The following BRWD3 variants were observed in gnomAD, a reference collection of about 807,000 sequenced individuals.
BRWD3 encodes bromodomain and WD repeat-containing protein 3.
BRWD3 carries 10 observed loss-of-function variants against 149.7 expected under a neutral mutation model. The observed-to-expected ratio is 0.07, with a 90% CI of 0.04 to 0.11. The LOEUF is 0.11. Ranked by LOEUF, BRWD3 falls within the 10% of genes least tolerant of loss-of-function variation. BRWD3 has a pLI of 1.00. For missense variants in BRWD3, 940 were observed against 1,373.2 expected, an observed-to-expected ratio of 0.68 and a Z score of 4.99; for synonymous variants, 504 against 456.7, an observed-to-expected ratio of 1.10 and a Z score of -1.32.
chrX:80,801,751 A>T (rs1165356147), intron 4 of BRWD3, among the ~76,000 whole-genome samples: 2 of 110,766 alleles, frequency 1.8e-5, no homozygotes, highest in African/African-American at 3.3e-5. Context: ...CTAGGGCAGG[A>T]GAATGGCTTG....
intron 4 of BRWD3, among the ~76,000 whole-genome samples, chrX:80,805,892 G>A (rs748013186): frequency 1.8e-5 from 2 of 111,117 alleles, no homozygotes; most frequent in South Asian, 3.8e-4. Context: ...CCGAGATCCC[G>A]CCACTGCACT....
intron 35 of BRWD3, 73 bp from the exon 36 acceptor site, chrX:80,685,609 G>T: frequency 1.2e-6 from 1 of 817,718 alleles, no homozygotes. Flanking sequence ...ATACAATTAT[G>T]ACTTAAGTCT....
intron 10 of BRWD3, among the ~76,000 whole-genome samples, chrX:80,734,685 T>C (rs1336117501): frequency 9.2e-6 from 1 of 108,851 alleles, no homozygotes; most frequent in Non-Finnish European, 1.9e-5. Flanking sequence ...AATTTTAGGT[T>C]CTGTATATTT....
In BRWD3 at chrX:80,745,797, T is replaced by C. The variant is rs780612693; in HGVS notation, c.431-68A>G. The C allele has an allele frequency of 1.3e-5, 13 of 1,001,145 alleles. No homozygotes were observed. The East Asian group carries it at 4.0e-4, about 31-fold the overall frequency. 82.5% of individuals were successfully genotyped at this position (1,001,145 alleles called of 1,213,427 possible). On this transcript the variant is annotated intron_variant, in intron 6 of 40. Coordinates refer to ENST00000373275, the MANE Select transcript of BRWD3 (RefSeq NM_153252.5). ...TGATTTCATGAAATTAAGTCATAAA[T>C]ATTAAGATGAGACAAAACAGAGTAC... is the stretch of plus-strand genomic sequence containing the variant.
chrX:80,745,244 TAACA>T (rs2073575594), intron 7 of BRWD3, among the ~76,000 whole-genome samples: 1 of 111,549 alleles, frequency 9.0e-6, no homozygotes, highest in African/African-American at 3.2e-5. Flanking sequence ...AGTGACACAT[TAACA>T]AACATTTAAT....
chrX:80,700,450 A>ATATATATATATATAT (rs1482829141), intron 24 of BRWD3, among the ~76,000 whole-genome samples: 1 of 99,610 alleles, frequency 1.0e-5, no homozygotes, highest in Non-Finnish European at 2.0e-5. Flanking sequence ...ATAACAATAC[A>ATATATATATATATAT]ATTAGGCCGG....
chrX:80,802,949 C>T (rs2074315581), intron 4 of BRWD3, among the ~76,000 whole-genome samples: 1 of 109,993 alleles, frequency 9.1e-6, no homozygotes, highest in Admixed American at 9.7e-5. Context: ...GCTAAAAATA[C>T]AAAAAATTAG....
intron 25 of BRWD3, among the ~76,000 whole-genome samples, chrX:80,699,164 G>A (rs2072744775): frequency 9.0e-6 from 1 of 110,556 alleles, no homozygotes; most frequent in African/African-American, 3.3e-5. Flanking sequence ...GCAGTGAGCC[G>A]AGATAGGGCC....
rs183157250 is a variant in BRWD3 at position 80,691,936 on chromosome X, T to C, written c.3368A>G (p.Gln1123Arg). 8.3e-7 allele frequency: 1 copy of C among 1,206,194 alleles called. No homozygotes were observed. The highest frequency in any genetic ancestry group is 1.8e-5 in the African/African-American group (1 of 56,283). ...DEVGAGVPVS[Q>R]EELTALLYKP... Reference sequence around the variant, plus strand: ...GTATAGCAAAGCAGTCAATTCTTCCTGGGAGACAGGAACACCAGCACCAAC... The same window carrying C: ...GTATAGCAAAGCAGTCAATTCTTCCCGGGAGACAGGAACACCAGCACCAAC... Residue 1123 changes from glutamine to arginine, a missense_variant, in exon 30 of 41, where the codon CAG becomes CGG. This residue lies in a region of BRWD3 where 158 missense variants were observed against 284.0 expected (regional missense o/e 0.56). Coordinates refer to ENST00000373275, the MANE Select transcript of BRWD3 (RefSeq NM_153252.5).
Position 80,809,759 on chromosome X carries a change from A to G in BRWD3, c.-288T>C, listed in dbSNP as rs770498149. The G allele has an allele frequency of 0.022, 420 of 19,224 alleles. 25 individuals carry two copies. The highest frequency in any genetic ancestry group is 0.13 in the African/African-American group (335 of 2,529). The allele number at this position is 19,224 out of a possible 1,213,427, so 1.6% of individuals were successfully genotyped here. Reference sequence around the variant, plus strand: ...AGAAGAGAGAGAGAGAGAGAGGAAAAAGAGAGAGAGAGAGAGAGAGAGAGA... The same window carrying G: ...AGAAGAGAGAGAGAGAGAGAGGAAAGAGAGAGAGAGAGAGAGAGAGAGAGA... On this transcript the variant is annotated 5_prime_UTR_variant, in exon 1 of 41. Transcript: ENST00000373275.
chrX:80,768,554 C>T (rs1272803407), intron 6 of BRWD3, among the ~76,000 whole-genome samples: 1 of 111,346 alleles, frequency 9.0e-6, no homozygotes, highest in Non-Finnish European at 1.9e-5. Context: ...ACCACCAGTC[C>T]TGCCTTACAA....
chrX:80,758,201 AAAAAAATAAAAAAT>A (rs894531404), intron 6 of BRWD3, among the ~76,000 whole-genome samples: 2 of 111,188 alleles, frequency 1.8e-5, no homozygotes, highest in Admixed American at 9.6e-5. Flanking sequence ...CTCCATCTCA[AAAAAAATAAAAAAT>A]AAAAAATAAA....
At chrX:80,702,189 T>C (rs1243689377) in intron 24 of BRWD3, among the ~76,000 whole-genome samples, 2 of 112,540 alleles carry the variant, frequency 1.8e-5, no homozygotes, top group Non-Finnish European at 3.8e-5. Context: ...TTATAATTTC[T>C]TTAAAAACAT....
At chrX:80,733,995 G>A (rs1602369856) in intron 11 of BRWD3, 123 bp downstream of exon 11, 1 of 530,837 alleles carries the variant, frequency 1.9e-6, no homozygotes, top group East Asian at 3.5e-5. Context: ...GTAATGACAA[G>A]AGTAAAGTGT....
intron 6 of BRWD3, among the ~76,000 whole-genome samples, chrX:80,763,278 T>C (rs1380916724): frequency 9.0e-6 from 1 of 111,622 alleles, no homozygotes; most frequent in Non-Finnish European, 1.9e-5. Flanking sequence ...ACCCAGGCAA[T>C]CTTGTTTCAA....
chrX:80,709,145 T>C (rs1174054303), intron 21 of BRWD3, among the ~76,000 whole-genome samples: 1 of 111,328 alleles, frequency 9.0e-6, no homozygotes, highest in African/African-American at 3.3e-5. Context: ...TTTCCATTTA[T>C]AGGCTGATTT....
intron 6 of BRWD3, among the ~76,000 whole-genome samples, chrX:80,750,988 T>C (rs1462743620): frequency 9.0e-6 from 1 of 110,643 alleles, no homozygotes; most frequent in Non-Finnish European, 1.9e-5. Flanking sequence ...CTAAGTGAAA[T>C]AAGCCAAGCA....
In BRWD3 at chrX:80,693,037, T is replaced by C; in HGVS notation, c.3166A>G (p.Ser1056Gly). 8.3e-7 allele frequency: 1 copy of C among 1,203,296 alleles called. No individual in the cohort carries two copies. The highest frequency in any genetic ancestry group is 1.1e-6 in the Non-Finnish European group (1 of 887,606). ...AACCACCAGGCGTCATCTATTATAC[T>C]GCGGAATCTATCACCTATAATGTTT... ...RNWQIGDRFR[S>G]IIDDAWWFGT... Residue 1056 changes from serine (S) to glycine (G), a missense_variant, in exon 28 of 41, where the codon AGT becomes GGT. By Grantham distance (56) the Ser-to-Gly change is moderately conservative. Around this residue, in one of 6 missense-constraint regions of BRWD3, gnomAD observed 158 missense variants for 284.0 expected, o/e 0.56. Coordinates refer to ENST00000373275, the MANE Select transcript of BRWD3 (RefSeq NM_153252.5).
intron 14 of BRWD3, among the ~76,000 whole-genome samples, chrX:80,727,846 T>C (rs955928960): frequency 3.6e-5 from 4 of 111,811 alleles, no homozygotes; most frequent in African/African-American, 1.3e-4. Flanking sequence ...GCATTCTATC[T>C]TGCATTTTTC....
Sources: allele counts gnomAD v4.1 joint callset (sites outside exome capture counted in the v4.1 genomes callset), GRCh38; gene constraint gnomAD v4.1.1; regional missense constraint gnomAD v4.1.1; transcripts MANE v1.5; gene names NCBI Gene and HGNC (gene_info 2026-07-23, HGNC 2026-07-21).